The following CNTN5 variants were observed in gnomAD, a reference collection of about 807,000 sequenced individuals.
CNTN5 encodes contactin 5.
In CNTN5, 77 loss-of-function variants were observed where a neutral mutation model predicts 129.1. The ratio of observed to expected loss-of-function variants is 0.60; its 90% CI spans 0.50 to 0.72. CNTN5 has a LOEUF of 0.72. CNTN5 is among the 30% of genes least tolerant of loss of function. The pLI is 0.00. For missense variants in CNTN5, 1,478 were observed against 1,328.8 expected, an observed-to-expected ratio of 1.11 and a Z score of -1.75; for synonymous variants, 509 against 465.6, an observed-to-expected ratio of 1.09 and a Z score of -1.20.
intron 9 of CNTN5, among the ~76,000 whole-genome samples, chr11:100,060,978 C>A (rs1216784455): frequency 1.3e-5 from 1 of 76,622 alleles, no homozygotes; most frequent in African/African-American, 6.0e-5. Context: ...TTGGTTACAA[C>A]TTATATTGTC....
At chr11:99,671,164 G>A (rs200237863) in intron 3 of CNTN5, among the ~76,000 whole-genome samples, 2 of 104,826 alleles carry the variant, frequency 1.9e-5, no homozygotes, top group Non-Finnish European at 4.2e-5. Flanking sequence ...TTTTTTTTAT[G>A]TGTTACCTCT....
chr11:100,267,299 A>T (rs1950326866), intron 17 of CNTN5, among the ~76,000 whole-genome samples: 1 of 151,882 alleles, frequency 6.6e-6, no homozygotes, highest in South Asian at 2.1e-4. Flanking sequence ...AGAGAAAGAG[A>T]GAGTGAGCAA....
At chr11:100,128,923 T>C (rs1340431664) in intron 13 of CNTN5, among the ~76,000 whole-genome samples, 1 of 152,080 alleles carries the variant, frequency 6.6e-6, no homozygotes, top group East Asian at 1.9e-4. Context: ...CCCCCTCCCA[T>C]CATGCATTAG....
At chr11:100,040,326 G>T (rs1432020412) in intron 9 of CNTN5, among the ~76,000 whole-genome samples, 2 of 152,142 alleles carry the variant, frequency 1.3e-5, no homozygotes, top group African/African-American at 4.8e-5. Context: ...TCGTTCCTCT[G>T]GAAGTTTTGT....
At position 99,060,088 on chromosome 11, in the gene CNTN5, T is replaced by C. The variant is rs535385926; in HGVS notation, c.-210+38818T>C. Among the ~76,000 whole-genome samples the C allele has an allele frequency of 5.3e-5, 8 of 152,216 alleles. No homozygotes were observed. The South Asian group carries it at 1.7e-3, about 32-fold the overall frequency. Reference sequence around the variant, plus strand: ...CCTTCTAGACTGGTTATTTTAAAGTTAATTAAACTCAGGAATGTGAAAGAG... The same window carrying C: ...CCTTCTAGACTGGTTATTTTAAAGTCAATTAAACTCAGGAATGTGAAAGAG... On this transcript the variant is annotated intron_variant, in intron 1 of 24. Transcript: ENST00000524871.
intron 10 of CNTN5, among the ~76,000 whole-genome samples, chr11:100,065,986 C>T (rs58246204): frequency 0.035 from 5,245 of 151,960 alleles, 312 homozygotes; most frequent in African/African-American, 0.12. Flanking sequence ...TAATTTCATA[C>T]CTAAAGACAG....
chr11:99,706,042 T>G (rs77325921), intron 3 of CNTN5, among the ~76,000 whole-genome samples: 2,991 of 151,622 alleles, frequency 0.02, 96 homozygotes, highest in African/African-American at 0.067. Flanking sequence ...ATTTGTTAAA[T>G]ATTTAATAAC....
chr11:100,013,816 T>G (rs953838817), intron 9 of CNTN5, among the ~76,000 whole-genome samples: 6 of 152,190 alleles, frequency 3.9e-5, no homozygotes, highest in East Asian at 1.9e-4. Context: ...ACAATAAACT[T>G]GCTTGAATAT....
rs191110882 is a variant in CNTN5 at position 100,037,818 on chromosome 11, C to G, written c.981-23394C>G. On this transcript the variant is annotated intron_variant, in intron 9 of 24. Coordinates refer to ENST00000524871, the MANE Select transcript of CNTN5 (RefSeq NM_014361.4). ...ATCTGTGGGATCGGTGGTGATATCCCCTTTATCATTTTTTATTGCATCAAT... is the reference window on the plus strand; with the variant it reads ...ATCTGTGGGATCGGTGGTGATATCCGCTTTATCATTTTTTATTGCATCAAT... 4.4e-3 allele frequency among the ~76,000 whole-genome samples: 675 copies of G among 151,956 alleles called. 5 individuals are homozygous for G. The highest frequency in any genetic ancestry group is 0.015 in the African/African-American group (631 of 41,424).
chr11:99,087,727 T>C (rs945103918), intron 1 of CNTN5, among the ~76,000 whole-genome samples: 2 of 152,246 alleles, frequency 1.3e-5, no homozygotes, highest in African/African-American at 4.8e-5. Context: ...AGAAGTGAAT[T>C]CAATTCATTG....
intron 9 of CNTN5, among the ~76,000 whole-genome samples, chr11:100,005,547 A>C (rs1221236521): frequency 6.6e-6 from 1 of 152,168 alleles, no homozygotes; most frequent in East Asian, 1.9e-4. Flanking sequence ...GCAACAGCAA[A>C]TCTCTAGAAC....
intron 15 of CNTN5, among the ~76,000 whole-genome samples, chr11:100,205,885 A>G (rs1200887012): frequency 6.6e-6 from 1 of 152,116 alleles, no homozygotes; most frequent in East Asian, 1.9e-4. Flanking sequence ...TGGATACAGA[A>G]GGCAACTATA....
chr11:100,271,755 T>C (rs971365183), intron 18 of CNTN5, among the ~76,000 whole-genome samples: 1 of 152,208 alleles, frequency 6.6e-6, no homozygotes, highest in African/African-American at 2.4e-5. Context: ...TAAATACCAA[T>C]CTGCTCCTTG....
intron 13 of CNTN5, among the ~76,000 whole-genome samples, chr11:100,184,185 G>C (rs2138467143): frequency 6.6e-6 from 1 of 152,022 alleles, no homozygotes; most frequent in East Asian, 1.9e-4. Context: ...TATATTTTCA[G>C]TAAAATTTAA....
intron 8 of CNTN5, among the ~76,000 whole-genome samples, chr11:99,960,257 A>T (rs1019129211): frequency 6.6e-6 from 1 of 152,130 alleles, no homozygotes; most frequent in African/African-American, 2.4e-5. Flanking sequence ...TGAAATTTCT[A>T]CTGCTCTTTT....
At chr11:99,708,378 GT>G (rs1293486027) in intron 3 of CNTN5, among the ~76,000 whole-genome samples, 2 of 151,566 alleles carry the variant, frequency 1.3e-5, no homozygotes, top group Non-Finnish European at 2.9e-5. Context: ...TGCATTTGAC[GT>G]TTGCATGACA....
intron 6 of CNTN5, among the ~76,000 whole-genome samples, chr11:99,894,515 C>CAAA (rs202067813): frequency 2.8e-5 from 3 of 107,480 alleles, no homozygotes; most frequent in East Asian, 2.9e-4. Context: ...GTACCAGCAG[C>CAAA]AAAAAAAAAA....
intron 1 of CNTN5, among the ~76,000 whole-genome samples, chr11:99,056,768 T>G (rs996589340): frequency 6.6e-6 from 1 of 151,962 alleles, no homozygotes; most frequent in Non-Finnish European, 1.5e-5. Flanking sequence ...ATGGTAAGCA[T>G]GATAGTAATG....
intron 3 of CNTN5, among the ~76,000 whole-genome samples, chr11:99,672,418 T>C (rs1465829322): frequency 6.6e-6 from 1 of 151,946 alleles, no homozygotes; most frequent in Non-Finnish European, 1.5e-5. Context: ...ATGATGGAGT[T>C]CTGGTAGGCT....
Sources: allele counts gnomAD v4.1 joint callset (sites outside exome capture counted in the v4.1 genomes callset), GRCh38; gene constraint gnomAD v4.1.1; transcripts MANE v1.5; gene names NCBI Gene and HGNC (gene_info 2026-07-23, HGNC 2026-07-21).